Variants in PLA2G4A observed in about 807,000 individuals in gnomAD.
The protein encoded by PLA2G4A is cytosolic phospholipase A2.
A neutral mutation model predicts 81.9 loss-of-function variants in PLA2G4A; 40 were observed. The observed-to-expected ratio is 0.49, with a 90% CI of 0.38 to 0.64. The LOEUF is 0.64. PLA2G4A is among the 30% of genes least tolerant of loss of function. The probability of loss-of-function intolerance (pLI) is 0.00; values close to 1 mark genes in which losing one functional copy is unlikely to be tolerated. For missense variants in PLA2G4A, 715 were observed against 905.1 expected, an observed-to-expected ratio of 0.79 and a Z score of 2.69; for synonymous variants, 302 against 296.9, an observed-to-expected ratio of 1.02 and a Z score of -0.18.
intron 3 of PLA2G4A, among the ~76,000 whole-genome samples, chr1:186,884,501 T>A (rs1653857953): frequency 6.6e-6 from 1 of 152,090 alleles, no homozygotes; most frequent in Admixed American, 6.6e-5. Context: ...AGGAAACACA[T>A]ATTAAATTAA....
chr1:186,894,100 T>G lies in PLA2G4A; in HGVS notation c.267T>G (p.Ile89Met). The change falls in exon 5 of 18, where the codon ATT (isoleucine) becomes ATG (methionine). Residue 89 changes from isoleucine (I) to methionine (M), a missense_variant and splice_region_variant. By Grantham distance (10) the Ile-to-Met change is conservative. Coordinates refer to ENST00000367466, the MANE Select transcript of PLA2G4A (RefSeq NM_024420.3). ...GTGCTTTACATTTTACTCTGTAGAT[T>G]ACGTTAATGGATGCCAATTATGTCA... ...LDPNQENVLE[I>M]TLMDANYVMD... The G allele has an allele frequency of 8.4e-7, 1 of 1,197,198 alleles. No homozygotes were observed. Among genetic ancestry groups the G allele is most frequent in the Non-Finnish European group, 1.3e-6 (1 of 799,156 alleles). The allele number at this position is 1,197,198 out of a possible 1,614,324, so 74.2% of individuals were successfully genotyped here. A position where few individuals can be genotyped will look rare whatever the true frequency, so the allele number is the denominator to read the frequency against.
rs570490860 is a variant in PLA2G4A, at chr1:186,902,480, C to T, written c.379-4485C>T. On this transcript the variant is annotated intron_variant, in intron 5 of 17. Coordinates refer to ENST00000367466, the MANE Select transcript of PLA2G4A (RefSeq NM_024420.3). ...GGCTCGAAGCAGCCCTGAGAAACAT[C>T]GCCCATTATCTCTCCATACCACCCC... Among the ~76,000 whole-genome samples the T allele has an allele frequency of 2.6e-5, 4 of 152,252 alleles. 1 individual carries two copies. The highest frequency in any genetic ancestry group is 3.9e-4 in the East Asian group (2 of 5,174).
chr1:186,974,056 G>A (rs4650715), intron 15 of PLA2G4A, among the ~76,000 whole-genome samples: 145,550 of 151,578 alleles, frequency 0.96, 69,957 homozygotes, highest in East Asian at 1. Context: ...ATGTATATAT[G>A]TATGTGTGTT....
chr1:186,913,838 AG>A (rs1003615089), intron 7 of PLA2G4A, among the ~76,000 whole-genome samples: 1 of 152,186 alleles, frequency 6.6e-6, no homozygotes, highest in African/African-American at 2.4e-5. Flanking sequence ...ATAAATTCTG[AG>A]TAAGGGAGCC....
At chr1:186,829,628 A>G (rs1651478655) in intron 1 of PLA2G4A, among the ~76,000 whole-genome samples, 1 of 152,124 alleles carries the variant, frequency 6.6e-6, no homozygotes, top group Non-Finnish European at 1.5e-5. Flanking sequence ...TTGGCTTGCC[A>G]AGAGAAAAAA....
At chr1:186,980,808 G>A (rs527239497) in intron 17 of PLA2G4A, among the ~76,000 whole-genome samples, 2 of 152,112 alleles carry the variant, frequency 1.3e-5, no homozygotes, top group East Asian at 3.9e-4. Flanking sequence ...TCCCCAATAA[G>A]CCTTGATTCT....
At chr1:186,984,121 A>G (rs1657816156) in intron 17 of PLA2G4A, among the ~76,000 whole-genome samples, 1 of 152,166 alleles carries the variant, frequency 6.6e-6, no homozygotes, top group Non-Finnish European at 1.5e-5. Flanking sequence ...GTAAATATGC[A>G]GTACAATTTT....
intron 13 of PLA2G4A, among the ~76,000 whole-genome samples, chr1:186,954,759 T>C (rs903128103): frequency 4.6e-5 from 7 of 152,132 alleles, no homozygotes; most frequent in Admixed American, 2.6e-4. Flanking sequence ...ACAGGGTTCC[T>C]AGAAATCAGA....
At chr1:186,869,058 T>G (rs956618110) in intron 2 of PLA2G4A, among the ~76,000 whole-genome samples, 1 of 152,038 alleles carries the variant, frequency 6.6e-6, no homozygotes, top group African/African-American at 2.4e-5. Context: ...TTTTTATTAG[T>G]TTTTGTTTAC....
At chr1:186,963,051 T>C (rs1657015163) in intron 14 of PLA2G4A, among the ~76,000 whole-genome samples, 1 of 152,174 alleles carries the variant, frequency 6.6e-6, no homozygotes, top group Non-Finnish European at 1.5e-5. Context: ...TTCCTTATCT[T>C]TAAAATGGCT....
At chr1:186,917,100 C>T (rs916992075) in intron 7 of PLA2G4A, among the ~76,000 whole-genome samples, 1 of 133,406 alleles carries the variant, frequency 7.5e-6, no homozygotes, top group African/African-American at 3.5e-5. Flanking sequence ...TCTACCTTTA[C>T]AGCTGTGGGG....
chr1:186,903,761 T>C (rs973833423), intron 5 of PLA2G4A, among the ~76,000 whole-genome samples: 16 of 152,216 alleles, frequency 1.1e-4, no homozygotes, highest in African/African-American at 3.6e-4. Context: ...TTCTATGTTA[T>C]GGTGAGTTGT....
chr1:186,918,306 T>G (rs1655221014), intron 7 of PLA2G4A, among the ~76,000 whole-genome samples: 1 of 152,208 alleles, frequency 6.6e-6, no homozygotes, highest in Admixed American at 6.5e-5. Flanking sequence ...ACACTGCCTC[T>G]AATAATTGTA....
At chr1:186,944,502 C>T (rs1656267892) in intron 10 of PLA2G4A, among the ~76,000 whole-genome samples, 1 of 152,160 alleles carries the variant, frequency 6.6e-6, no homozygotes, top group African/African-American at 2.4e-5. Context: ...ATTTTCCTAA[C>T]AGCCTCTGAT....
At chr1:186,888,324 G>A (rs1654011769) in intron 3 of PLA2G4A, among the ~76,000 whole-genome samples, 1 of 152,114 alleles carries the variant, frequency 6.6e-6, no homozygotes, top group Non-Finnish European at 1.5e-5. Flanking sequence ...TAAAATGGCT[G>A]AGAAGATGGG....
At chr1:186,852,126 T>A (rs569917537) in intron 1 of PLA2G4A, among the ~76,000 whole-genome samples, 53 of 152,058 alleles carry the variant, frequency 3.5e-4, no homozygotes, top group African/African-American at 1.2e-3. Context: ...AGGGCCCACA[T>A]GTGCCTACAC....
intron 7 of PLA2G4A, among the ~76,000 whole-genome samples, chr1:186,923,230 G>A (rs902324625): frequency 2.6e-5 from 4 of 152,260 alleles, no homozygotes; most frequent in Middle Eastern, 3.4e-3. Flanking sequence ...TGTTTATCAT[G>A]TCAGGCTAAT....
chr1:186,942,297 A>T (rs1021525238), intron 10 of PLA2G4A, among the ~76,000 whole-genome samples: 1 of 152,134 alleles, frequency 6.6e-6, no homozygotes, highest in Non-Finnish European at 1.5e-5. Context: ...GAATTGTTTG[A>T]TCTATAACAC....
intron 14 of PLA2G4A, among the ~76,000 whole-genome samples, chr1:186,957,175 T>A (rs562304084): frequency 6.6e-6 from 1 of 152,024 alleles, no homozygotes; most frequent in South Asian, 2.1e-4. Flanking sequence ...ATAAAAAAAA[T>A]ATTGAGGGAG....
Sources: gnomAD v4.1 joint callset for allele counts (sites outside exome capture counted in the v4.1 genomes callset) on GRCh38, gnomAD v4.1.1 for gene constraint, MANE v1.5 for transcripts, NCBI Gene and HGNC (gene_info 2026-07-23, HGNC 2026-07-21) for gene names.